Variants in SNX29 observed in about 807,000 individuals in gnomAD.
SNX29 encodes the protein sorting nexin-29.
In SNX29, 78 loss-of-function variants were observed where a neutral mutation model predicts 102.1. That is an observed-to-expected ratio of 0.76 (90% confidence interval 0.64 to 0.92). The LOEUF is 0.92. Among genes scored for constraint, SNX29 ranks in the 40% least tolerant of loss-of-function variants. The pLI is 0.00. For synonymous variants in SNX29, 580 were observed against 414.5 expected (o/e 1.40, Z -4.85); for missense variants, 1,280 against 1,061.7 (o/e 1.21, Z -2.86).
intron 15 of SNX29, among the ~76,000 whole-genome samples, chr16:12,331,225 C>T (rs1402319606): frequency 6.6e-6 from 1 of 151,692 alleles, no homozygotes; most frequent in East Asian, 1.9e-4. Context: ...TGCCCGGTTT[C>T]ACTCCTAGAA....
chr16:12,219,567 G>A (rs1182326780), intron 14 of SNX29, among the ~76,000 whole-genome samples: 1 of 152,200 alleles, frequency 6.6e-6, no homozygotes, highest in South Asian at 2.1e-4. Flanking sequence ...CTGGAATGCC[G>A]TGGTGTACTT....
At chr16:12,022,022 A>G (rs1428340294) in intron 3 of SNX29, among the ~76,000 whole-genome samples, 1 of 151,768 alleles carries the variant, frequency 6.6e-6, no homozygotes, top group Non-Finnish European at 1.5e-5. Context: ...AGCAGGAGGA[A>G]GTTACTTCAT....
chr16:12,548,245 C>T (rs766545954), intron 20 of SNX29, among the ~76,000 whole-genome samples: 12 of 152,214 alleles, frequency 7.9e-5, no homozygotes, highest in Non-Finnish European at 1.2e-4. Flanking sequence ...GTTACATTTC[C>T]TTCCTTCTGG....
intron 20 of SNX29, among the ~76,000 whole-genome samples, chr16:12,568,302 G>GT (rs200422940): frequency 5.3e-5 from 1 of 18,950 alleles, no homozygotes; most frequent in East Asian, 6.8e-4. Flanking sequence ...TCGGAGTGCT[G>GT]TTAAAAAAAA....
At chr16:12,130,629 C>T (rs1238524848) in intron 13 of SNX29, among the ~76,000 whole-genome samples, 1 of 152,030 alleles carries the variant, frequency 6.6e-6, no homozygotes, top group African/African-American at 2.4e-5. Context: ...CCCAGCCACC[C>T]AGTTTGCTCC....
At chr16:12,514,840 G>A (rs933547901) in intron 19 of SNX29, among the ~76,000 whole-genome samples, 5 of 151,498 alleles carry the variant, frequency 3.3e-5, no homozygotes, top group African/African-American at 1.2e-4. Flanking sequence ...ACTCTAGCCT[G>A]GACAACAGAG....
intron 3 of SNX29, among the ~76,000 whole-genome samples, chr16:12,021,132 A>G (rs1021983105): frequency 2.0e-5 from 3 of 152,188 alleles, no homozygotes; most frequent in African/African-American, 4.8e-5. Context: ...AAGCTGTAAC[A>G]TAGTAAAAGA....
At chr16:12,457,361 T>A (rs905949523) in intron 18 of SNX29, among the ~76,000 whole-genome samples, 1 of 152,122 alleles carries the variant, frequency 6.6e-6, no homozygotes, top group African/African-American at 2.4e-5. Context: ...AGGCAGCAGT[T>A]CCCACAGCCT....
intron 19 of SNX29, among the ~76,000 whole-genome samples, chr16:12,513,518 C>G (rs948333927): frequency 1.6e-4 from 25 of 152,238 alleles, no homozygotes; most frequent in African/African-American, 5.3e-4. Flanking sequence ...CATCTCTCCC[C>G]TCTTCTGTCC....
chr16:12,178,761 G>A (rs1000577229), intron 13 of SNX29, among the ~76,000 whole-genome samples: 3 of 152,210 alleles, frequency 2.0e-5, no homozygotes, highest in African/African-American at 7.2e-5. Flanking sequence ...TCCGACTTGA[G>A]TAGTATTTTC....
At chr16:12,087,712 C>G (rs569504048) in intron 11 of SNX29, 5 of 384,254 alleles carry the variant, frequency 1.3e-5, no homozygotes, top group South Asian at 7.7e-5. Context: ...ACAGGCATTA[C>G]TGGTCCATTG....
At chr16:12,512,023 C>T (rs576096288) in intron 19 of SNX29, among the ~76,000 whole-genome samples, 5 of 151,892 alleles carry the variant, frequency 3.3e-5, no homozygotes, top group African/African-American at 4.8e-5. Flanking sequence ...TGGATACAGC[C>T]GTGAGGAGGA....
chr16:12,413,895 G>C (rs1453557150), intron 18 of SNX29, among the ~76,000 whole-genome samples: 3 of 152,180 alleles, frequency 2.0e-5, no homozygotes, highest in Admixed American at 6.5e-5. Flanking sequence ...TGCTTGTCTG[G>C]GGGGGATTGG....
intron 20 of SNX29, among the ~76,000 whole-genome samples, chr16:12,563,555 G>T (rs777521951): frequency 6.6e-6 from 1 of 152,188 alleles, no homozygotes; most frequent in African/African-American, 2.4e-5. Context: ...TACCTGAGGG[G>T]TCTACCCCAC....
intron 14 of SNX29, among the ~76,000 whole-genome samples, chr16:12,249,264 C>A (rs1053012202): frequency 6.6e-6 from 1 of 152,196 alleles, no homozygotes; most frequent in Admixed American, 6.5e-5. Flanking sequence ...GGGTCCTTGG[C>A]TCTGGCTGCT....
At chr16:12,023,942 G>A (rs2057109661) in intron 3 of SNX29, among the ~76,000 whole-genome samples, 1 of 152,144 alleles carries the variant, frequency 6.6e-6, no homozygotes, top group Admixed American at 6.6e-5. Flanking sequence ...CCTGACTGGA[G>A]AGACCATGTC....
intron 13 of SNX29, among the ~76,000 whole-genome samples, chr16:12,180,339 G>A (rs190679954): frequency 9.2e-5 from 14 of 152,088 alleles, no homozygotes. Context: ...TGTCATTTTT[G>A]TATTGTCTCC....
chr16:12,055,209 T>C (rs1007196999), intron 8 of SNX29, among the ~76,000 whole-genome samples: 6 of 151,578 alleles, frequency 4.0e-5, no homozygotes, highest in Non-Finnish European at 8.8e-5. Context: ...CATTTCTATC[T>C]CTGTTTCTGT....
At chr16:12,099,275 C>G (rs2052905588) in intron 11 of SNX29, among the ~76,000 whole-genome samples, 1 of 152,292 alleles carries the variant, frequency 6.6e-6, no homozygotes, top group East Asian at 1.9e-4. Flanking sequence ...CAGCACTAAA[C>G]CCAGGGCCCT....
Sources: gnomAD v4.1 joint callset for allele counts (sites outside exome capture counted in the v4.1 genomes callset) on GRCh38, gnomAD v4.1.1 for gene constraint, MANE v1.5 for transcripts, NCBI Gene and HGNC (gene_info 2026-07-23, HGNC 2026-07-21) for gene names.